The following SORT1 variants were observed in gnomAD, a reference collection of about 807,000 sequenced individuals.
SORT1 encodes sortilin.
Under a neutral mutation model 101.7 loss-of-function variants are expected in SORT1, and 39 were observed. That is an observed-to-expected ratio of 0.38 (90% confidence interval 0.30 to 0.50). The LOEUF (loss-of-function observed/expected upper bound fraction) is 0.50. SORT1 is among the 20% of genes least tolerant of loss of function. The probability of loss-of-function intolerance (pLI) is 0.90; values close to 1 mark genes in which losing one functional copy is unlikely to be tolerated. For synonymous variants in SORT1, 396 were observed against 393.7 expected (o/e 1.01, Z -0.07); for missense variants, 878 against 1,040.4 (o/e 0.84, Z 2.15).
At chr1:109,395,155 G>T (rs1653118274) in intron 1 of SORT1, among the ~76,000 whole-genome samples, 1 of 132,890 alleles carries the variant, frequency 7.5e-6, no homozygotes, top group African/African-American at 2.8e-5. Context: ...ACCAGATACA[G>T]AAAGGATGAG....
At chr1:109,392,526 AC>A (rs1652976963) in intron 1 of SORT1, 2 of 730,262 alleles carry the variant, frequency 2.7e-6, no homozygotes, top group African/African-American at 3.8e-5. Flanking sequence ...CAGACATGAG[AC>A]TCAGATTTCT....
chr1:109,314,639 T>C (rs772036482), intron 18 of SORT1, 33 bp downstream of exon 18: 107 of 1,438,966 alleles, frequency 7.4e-5, no homozygotes, highest in Non-Finnish European at 9.5e-5. Flanking sequence ...TGGCTTGAAC[T>C]CAGTACCTTG....
chr1:109,367,359 T>C (rs750831410), intron 3 of SORT1, 49 bp downstream of exon 3: 6 of 1,044,648 alleles, frequency 5.7e-6, no homozygotes, highest in Non-Finnish European at 7.3e-6. Context: ...AGAATCTATA[T>C]TCTCAATGTT....
At chr1:109,379,949 G>A (rs974229608) in intron 1 of SORT1, among the ~76,000 whole-genome samples, 13 of 152,084 alleles carry the variant, frequency 8.5e-5, no homozygotes, top group Admixed American at 7.9e-4. Flanking sequence ...CATATAGGGC[G>A]AAGATTTAAA....
At chr1:109,381,158 A>C (rs964390342) in intron 1 of SORT1, among the ~76,000 whole-genome samples, 2 of 152,200 alleles carry the variant, frequency 1.3e-5, no homozygotes, top group Non-Finnish European at 2.9e-5. Flanking sequence ...TCCTATTCTT[A>C]GGAATTTGTC....
rs150746844 is a variant in SORT1, at chr1:109,394,831, C to T, written c.306+2756G>A. Among the ~76,000 whole-genome samples the T allele has an allele frequency of 3.7e-3, 561 of 152,236 alleles. 6 individuals carry two copies. Among genetic ancestry groups the T allele is most frequent in the African/African-American group, 0.013 (534 of 41,532 alleles). On this transcript the variant is annotated intron_variant, in intron 1 of 19. Coordinates refer to ENST00000256637, the MANE Select transcript of SORT1 (RefSeq NM_002959.7). The stretch of plus-strand genomic sequence containing the variant: ...AGAGAACCATGAACTTTTGCTTTTT[C>T]TTGGGACTCGAATCCTGTCATGTTA...
intron 9 of SORT1, 32 bp downstream of exon 9, chr1:109,341,982 C>T (rs774005937): frequency 5.0e-6 from 8 of 1,603,612 alleles, no homozygotes; most frequent in South Asian, 1.1e-5. Flanking sequence ...CATCTCTATG[C>T]TTTTAAGGGT....
chr1:109,370,667 T>A (rs566213828), intron 1 of SORT1, among the ~76,000 whole-genome samples: 28 of 152,340 alleles, frequency 1.8e-4, no homozygotes, highest in African/African-American at 6.0e-4. Context: ...TATGCTTTTT[T>A]CTTAAGACTT....
At chr1:109,351,082 C>T in intron 5 of SORT1, 80 bp from the exon 6 acceptor site, 1 of 962,220 alleles carries the variant, frequency 1.0e-6, no homozygotes, top group Non-Finnish European at 1.7e-6. Context: ...ATTTCATATC[C>T]AATCATTCAG....
intron 15 of SORT1, among the ~76,000 whole-genome samples, chr1:109,319,101 A>G (rs1647444310): frequency 6.6e-6 from 1 of 152,054 alleles, no homozygotes; most frequent in African/African-American, 2.4e-5. Context: ...TTTACCTCCA[A>G]ATGTCATTAT....
At chr1:109,342,762 G>A (rs1409573119) in intron 8 of SORT1, among the ~76,000 whole-genome samples, 3 of 152,048 alleles carry the variant, frequency 2.0e-5, no homozygotes, top group African/African-American at 7.3e-5. Context: ...TTACTATAAG[G>A]AAACTGATTA....
Position 109,367,365 on chromosome 1 carries a change from A to G in SORT1, c.440+43T>C, listed in dbSNP as rs184416704. On this transcript the variant is annotated intron_variant, in intron 3 of 19. Transcript: ENST00000256637. ...AGAAAAGGGAGAATCTATATTCTCA[A>G]TGTTACTTAGTGAAATGCTCCAACG... The G allele has an allele frequency of 5.4e-6, 6 of 1,103,942 alleles. No individual in the cohort carries two copies. The African/African-American group carries it at 6.2e-5, about 11-fold the overall frequency. 68.4% of individuals were successfully genotyped at this position (1,103,942 alleles called of 1,614,324 possible).
intron 3 of SORT1, among the ~76,000 whole-genome samples, chr1:109,362,129 A>G (rs1435916989): frequency 6.6e-6 from 1 of 152,200 alleles, no homozygotes; most frequent in Non-Finnish European, 1.5e-5. Flanking sequence ...TTCTAGTGCT[A>G]TTGGCCATGA....
At chr1:109,360,083 A>G (rs1463243922) in intron 3 of SORT1, among the ~76,000 whole-genome samples, 2 of 152,192 alleles carry the variant, frequency 1.3e-5, no homozygotes, top group Non-Finnish European at 2.9e-5. Context: ...AGATATATTT[A>G]TTTAGTTATT....
At chr1:109,317,575 G>A (rs1330497126) in intron 16 of SORT1, among the ~76,000 whole-genome samples, 1 of 152,210 alleles carries the variant, frequency 6.6e-6, no homozygotes, top group Admixed American at 6.5e-5. Context: ...TCCCTTCCTG[G>A]GGGTGGTTGG....
chr1:109,364,012 C>A (rs775378572), intron 3 of SORT1, among the ~76,000 whole-genome samples: 1 of 152,054 alleles, frequency 6.6e-6, no homozygotes, highest in Admixed American at 6.6e-5. Flanking sequence ...GAAGTGGGTA[C>A]AGAGTCAGTT....
At chr1:109,316,772 T>C in intron 17 of SORT1, 78 bp downstream of exon 17, 1 of 933,702 alleles carries the variant, frequency 1.1e-6, no homozygotes, top group Non-Finnish European at 1.7e-6. Flanking sequence ...ACAAAACTCT[T>C]GATGCTTTAA....
rs1359954074 is a variant in SORT1 at position 109,325,843 on chromosome 1, C to A, written c.1644-754G>T. On this transcript the variant is annotated intron_variant, in intron 13 of 19. Coordinates refer to ENST00000256637, the MANE Select transcript of SORT1 (RefSeq NM_002959.7). The stretch of plus-strand genomic sequence containing the variant: ...ACAAAAAACAAAGCAAAACAAAAAA[C>A]CACAAAAATTAGCTGGGTGTGGTGG... 2.6e-5 allele frequency among the ~76,000 whole-genome samples: 4 copies of A among 151,626 alleles called. No individual in the cohort carries two copies. In the East Asian group the frequency reaches 5.9e-4, roughly 22 times the overall value.
intron 1 of SORT1, among the ~76,000 whole-genome samples, chr1:109,390,275 C>T (rs1652819627): frequency 6.6e-6 from 1 of 152,174 alleles, no homozygotes; most frequent in Non-Finnish European, 1.5e-5. Flanking sequence ...AAGATAGCCC[C>T]AGTGCTTTGC....
Sources: gnomAD v4.1 joint callset for allele counts (sites outside exome capture counted in the v4.1 genomes callset) on GRCh38, gnomAD v4.1.1 for gene constraint, MANE v1.5 for transcripts, NCBI Gene and HGNC (gene_info 2026-07-23, HGNC 2026-07-21) for gene names.